DYDC1: variants seen among roughly 807,000 people sequenced by gnomAD.
DYDC1 encodes DPY30 domain containing 1.
Under a neutral mutation model 27.9 loss-of-function variants are expected in DYDC1, and 21 were observed. The ratio of observed to expected loss-of-function variants is 0.75; its 90% CI spans 0.53 to 1.08. The LOEUF is 1.08. Among genes scored for constraint, DYDC1 ranks in the 50% least tolerant of loss-of-function variants. The pLI is 0.00. For synonymous variants in DYDC1, 67 were observed against 65.8 expected, an observed-to-expected ratio of 1.02 and a Z score of -0.09; for missense variants, 202 against 205.9, an observed-to-expected ratio of 0.98 and a Z score of 0.12.
At chr10:80,348,974 C>T (rs1422135177) in intron 3 of DYDC1, among the ~76,000 whole-genome samples, 1 of 152,182 alleles carries the variant, frequency 6.6e-6, no homozygotes, top group Non-Finnish European at 1.5e-5. Context: ...TCACTGCAAG[C>T]TCCGCCTCCT....
intron 3 of DYDC1, among the ~76,000 whole-genome samples, chr10:80,350,390 A>T (rs1842916073): frequency 6.6e-6 from 1 of 152,242 alleles, no homozygotes; most frequent in Admixed American, 6.5e-5. Flanking sequence ...TTTGATAGAC[A>T]GGAACAGATA....
intron 4 of DYDC1, 35 bp from the exon 5 acceptor site, chr10:80,339,188 T>C (rs984446302): frequency 1.1e-6 from 1 of 915,038 alleles, no homozygotes. Context: ...ATACTTTGAA[T>C]ATACTCCATT....
chr10:80,339,427 A>G (rs913992402), intron 4 of DYDC1, among the ~76,000 whole-genome samples: 32 of 152,228 alleles, frequency 2.1e-4, no homozygotes, highest in African/African-American at 7.7e-4. Context: ...ACTGAAGCCA[A>G]ATTATCTGCC....
chr10:80,347,711 TC>T, intron 3 of DYDC1, among the ~76,000 whole-genome samples: 1 of 152,298 alleles, frequency 6.6e-6, no homozygotes, highest in African/African-American at 2.4e-5. Context: ...GAAGAGACTA[TC>T]CTTTTCCCTT....
chr10:80,354,142 A>G (rs115521848), intron 1 of DYDC1, among the ~76,000 whole-genome samples: 3,333 of 149,180 alleles, frequency 0.022, 48 homozygotes, highest in Non-Finnish European at 0.033. Context: ...ATATATATAT[A>G]TATTTTTTCC....
At chr10:80,339,076 A>T in intron 5 of DYDC1, 21 bp downstream of exon 5, 2 of 1,345,324 alleles carry the variant, frequency 1.5e-6, no homozygotes, top group South Asian at 2.9e-5. Context: ...CACATAACAT[A>T]GAATGACTTT....
intron 6 of DYDC1, chr10:80,337,102 T>C (rs896695050): frequency 3.0e-6 from 3 of 983,756 alleles, no homozygotes; most frequent in African/African-American, 1.7e-5. Flanking sequence ...CCATTAATAC[T>C]GGATGACTTC....
chr10:80,352,918 T>C (rs891519608), intron 1 of DYDC1, among the ~76,000 whole-genome samples: 19 of 152,326 alleles, frequency 1.2e-4, no homozygotes, highest in African/African-American at 4.6e-4. Context: ...GGGTCTCATG[T>C]AATCCTCACA....
intron 3 of DYDC1, 140 bp from the exon 4 acceptor site, chr10:80,342,501 A>G (rs914992059): frequency 1.5e-6 from 1 of 673,572 alleles, no homozygotes; most frequent in Non-Finnish European, 2.3e-6. Context: ...TTCCTGAAGC[A>G]TAAAATTTTT....
chr10:80,342,980 CAAAAAAAAA>C (rs55665661), intron 3 of DYDC1, among the ~76,000 whole-genome samples: 144 of 93,890 alleles, frequency 1.5e-3, no homozygotes, highest in African/African-American at 5.6e-3. Flanking sequence ...GACTCCCTCT[CAAAAAAAAA>C]AAAAAAAAAG....
intron 6 of DYDC1, 167 bp downstream of exon 6, chr10:80,338,300 T>A: frequency 7.4e-7 from 1 of 1,349,908 alleles, no homozygotes; most frequent in South Asian, 2.0e-5. Flanking sequence ...GAATGCCAAT[T>A]AGGAATATAA....
At chr10:80,340,237 A>G (rs897734939) in intron 4 of DYDC1, among the ~76,000 whole-genome samples, 2 of 152,178 alleles carry the variant, frequency 1.3e-5, no homozygotes, top group African/African-American at 2.4e-5. Flanking sequence ...TTCACAGTTT[A>G]TGTGTTAAAC....
intron 3 of DYDC1, among the ~76,000 whole-genome samples, chr10:80,345,448 T>C (rs1327134555): frequency 6.6e-6 from 1 of 152,174 alleles, no homozygotes; most frequent in Admixed American, 6.5e-5. Flanking sequence ...AAATCTACTC[T>C]CTTAAAAATT....
intron 4 of DYDC1, 83 bp downstream of exon 4, chr10:80,342,186 C>T: frequency 7.4e-7 from 1 of 1,342,930 alleles, no homozygotes; most frequent in Non-Finnish European, 1.1e-6. Context: ...ATCCCATGGT[C>T]CTTCTGCTAA....
At chr10:80,339,206 C>A in intron 4 of DYDC1, 53 bp from the exon 5 acceptor site, 2 of 825,722 alleles carry the variant, frequency 2.4e-6, no homozygotes, top group East Asian at 3.4e-5. Flanking sequence ...ATTTTGATTT[C>A]ATGTTTAATT....
At chr10:80,356,205 G>T (rs1843358755) in intron 1 of DYDC1, 16 of 970,480 alleles carry the variant, frequency 1.6e-5, no homozygotes, top group Non-Finnish European at 2.0e-5. Flanking sequence ...GTGAAACGAG[G>T]ATAATACCCA....
At chr10:80,351,798 T>A in intron 3 of DYDC1, 103 bp downstream of exon 3, 1 of 1,001,412 alleles carries the variant, frequency 1.0e-6, no homozygotes, top group South Asian at 1.6e-5. Flanking sequence ...GGAAGCCATA[T>A]CTAAATAACT....
At chr10:80,350,302 G>T (rs942324648) in intron 3 of DYDC1, among the ~76,000 whole-genome samples, 1 of 152,138 alleles carries the variant, frequency 6.6e-6, no homozygotes, top group Non-Finnish European at 1.5e-5. Flanking sequence ...TAAAGTAGTC[G>T]AGCCGAAGAG....
chr10:80,354,130 AT>A, intron 1 of DYDC1, among the ~76,000 whole-genome samples: 3 of 145,044 alleles, frequency 2.1e-5, no homozygotes, highest in Middle Eastern at 7.1e-3. Context: ...ATAAAAAAAA[AT>A]ATATATATAT....
Sources: gnomAD v4.1 joint callset for allele counts (sites outside exome capture counted in the v4.1 genomes callset) on GRCh38, gnomAD v4.1.1 for gene constraint, MANE v1.5 for transcripts, NCBI Gene and HGNC (gene_info 2026-07-23, HGNC 2026-07-21) for gene names.